PACRG: variants seen among roughly 807,000 people sequenced by gnomAD.
PACRG encodes parkin coregulated gene protein.
Under a neutral mutation model 29.7 loss-of-function variants are expected in PACRG, and 29 were observed. That is an observed-to-expected ratio of 0.98 (90% confidence interval 0.73 to 1.33). The LOEUF (loss-of-function observed/expected upper bound fraction) is 1.33, where lower values mean the gene tolerates loss of function less well. PACRG is among the 40% of genes most tolerant of loss of function. The pLI is 0.00. For synonymous variants in PACRG, 116 were observed against 118.7 expected, an observed-to-expected ratio of 0.98 and a Z score of 0.15; for missense variants, 279 against 316.2, an observed-to-expected ratio of 0.88 and a Z score of 0.89.
At chr6:163,068,685 A>G (rs1475666206) in intron 3 of PACRG, among the ~76,000 whole-genome samples, 4 of 150,020 alleles carry the variant, frequency 2.7e-5, no homozygotes, top group African/African-American at 9.8e-5. Context: ...ATTTTTTCCT[A>G]CTCTGTCGCT....
Position 162,912,927 on chromosome 6 carries a change from A to C in PACRG, c.291+98646A>C, listed in dbSNP as rs922825771. Among the ~76,000 whole-genome samples the C allele has an allele frequency of 1.4e-3, 213 of 151,818 alleles. 2 individuals carry two copies. The highest frequency in any genetic ancestry group is 4.6e-3 in the African/African-American group (189 of 41,318). On this transcript the variant is annotated intron_variant, in intron 2 of 4. Transcript: ENST00000366888. ...TAAAATCCAAAACAAACAAACAAAA[A>C]AAAAAAAAACAAAATTGGATTGGAA...
intron 1 of PACRG, among the ~76,000 whole-genome samples, chr6:162,802,701 C>T (rs1329622715): frequency 6.6e-6 from 1 of 152,112 alleles, no homozygotes; most frequent in Non-Finnish European, 1.5e-5. Context: ...CTGGCTTCCA[C>T]CTCATCATGT....
At chr6:162,812,853 G>A (rs992359872) in intron 1 of PACRG, among the ~76,000 whole-genome samples, 4 of 152,070 alleles carry the variant, frequency 2.6e-5, no homozygotes, top group African/African-American at 9.7e-5. Flanking sequence ...TCTTCAATAA[G>A]TAAAAGGAAA....
intron 4 of PACRG, among the ~76,000 whole-genome samples, chr6:163,243,406 A>G (rs1363482839): frequency 6.6e-6 from 1 of 152,160 alleles, no homozygotes; most frequent in South Asian, 2.1e-4. Context: ...GCCCAGTGGT[A>G]CCCAAGCGTA....
At chr6:162,830,254 G>A (rs1020205085) in intron 2 of PACRG, among the ~76,000 whole-genome samples, 1 of 152,096 alleles carries the variant, frequency 6.6e-6, no homozygotes, top group Non-Finnish European at 1.5e-5. Context: ...GTGTCAGGCA[G>A]CCAGACTGGA....
intron 3 of PACRG, among the ~76,000 whole-genome samples, chr6:163,065,668 G>C (rs1393204752): frequency 7.9e-5 from 12 of 152,186 alleles, no homozygotes; most frequent in African/African-American, 2.9e-4. Context: ...GAAGAAACTT[G>C]TAGAAACTTG....
At chr6:162,964,000 C>T (rs1800838320) in intron 2 of PACRG, among the ~76,000 whole-genome samples, 1 of 152,046 alleles carries the variant, frequency 6.6e-6, no homozygotes, top group South Asian at 2.1e-4. Context: ...GATGTCTTGC[C>T]AGGAGGAGCT....
chr6:163,066,381 T>C (rs1359722440), intron 3 of PACRG, among the ~76,000 whole-genome samples: 5 of 152,156 alleles, frequency 3.3e-5, no homozygotes, highest in African/African-American at 7.2e-5. Flanking sequence ...AGAAGGTGAA[T>C]GGGGCTGTGC....
intron 1 of PACRG, among the ~76,000 whole-genome samples, chr6:162,801,585 A>G (rs931262517): frequency 1.3e-5 from 2 of 152,190 alleles, no homozygotes; most frequent in African/African-American, 4.8e-5. Context: ...ATTTATGTTC[A>G]TCATATTTAA....
intron 2 of PACRG, among the ~76,000 whole-genome samples, chr6:162,856,136 G>A (rs1363910366): frequency 1.3e-5 from 2 of 151,972 alleles, no homozygotes; most frequent in South Asian, 2.1e-4. Flanking sequence ...AGCTCAATGC[G>A]GCCTCGAACT....
At chr6:163,013,320 T>C (rs1318094579) in intron 2 of PACRG, among the ~76,000 whole-genome samples, 1 of 151,810 alleles carries the variant, frequency 6.6e-6, no homozygotes, top group Non-Finnish European at 1.5e-5. Context: ...AAGTTAGCAC[T>C]ACGCCAATGG....
chr6:163,008,019 A>G (rs2128207358), intron 2 of PACRG, among the ~76,000 whole-genome samples: 1 of 152,294 alleles, frequency 6.6e-6, no homozygotes, highest in South Asian at 2.1e-4. Context: ...GGCACTACAT[A>G]GAATATTCTT....
intron 1 of PACRG, among the ~76,000 whole-genome samples, chr6:162,760,760 G>A (rs185459974): frequency 2.0e-4 from 30 of 152,168 alleles, no homozygotes; most frequent in Non-Finnish European, 3.5e-4. Context: ...CAGGTGGGAC[G>A]GGCCGTTGAA....
At chr6:162,921,194 G>T (rs2128093577) in intron 2 of PACRG, among the ~76,000 whole-genome samples, 1 of 152,254 alleles carries the variant, frequency 6.6e-6, no homozygotes, top group Non-Finnish European at 1.5e-5. Context: ...AGCCAGCCTT[G>T]TCACGTAGAC....
At chr6:163,253,254 C>T (rs534751004) in intron 4 of PACRG, among the ~76,000 whole-genome samples, 6 of 146,486 alleles carry the variant, frequency 4.1e-5, no homozygotes, top group East Asian at 2.0e-4. Flanking sequence ...GAGGGGAGAT[C>T]GCACCACTGC....
At chr6:162,746,930 T>C (rs1781032636) in intron 1 of PACRG, among the ~76,000 whole-genome samples, 1 of 152,198 alleles carries the variant, frequency 6.6e-6, no homozygotes, top group Admixed American at 6.5e-5. Context: ...ATTTGATTGA[T>C]TTGAAACTTA....
At chr6:163,301,775 T>C (rs774571523) in intron 4 of PACRG, among the ~76,000 whole-genome samples, 3 of 152,216 alleles carry the variant, frequency 2.0e-5, no homozygotes, top group Non-Finnish European at 4.4e-5. Context: ...GCAGTAATAA[T>C]AGTTGTCGAA....
chr6:162,990,019 G>A (rs1490613760), intron 2 of PACRG, among the ~76,000 whole-genome samples: 4 of 150,098 alleles, frequency 2.7e-5, no homozygotes, highest in Non-Finnish European at 6.0e-5. Context: ...ATAGTTTACT[G>A]AGAATGATGA....
At chr6:162,983,669 G>C (rs1010949880) in intron 2 of PACRG, among the ~76,000 whole-genome samples, 1 of 152,056 alleles carries the variant, frequency 6.6e-6, no homozygotes, top group African/African-American at 2.4e-5. Flanking sequence ...TTTCTGCTAA[G>C]AAGTCTGTTG....
Sources: allele counts gnomAD v4.1 joint callset (sites outside exome capture counted in the v4.1 genomes callset), GRCh38; gene constraint gnomAD v4.1.1; transcripts MANE v1.5; gene names NCBI Gene and HGNC (gene_info 2026-07-23, HGNC 2026-07-21).